Variants in CACNA1G observed in about 807,000 individuals in gnomAD.
CACNA1G encodes the protein calcium voltage-gated channel subunit alpha1 G.
Under a neutral mutation model 219.4 loss-of-function variants are expected in CACNA1G, and 67 were observed. That is an observed-to-expected ratio of 0.31 (90% CI 0.25 to 0.37). CACNA1G has a LOEUF of 0.37. Ranked by LOEUF, CACNA1G falls within the 10% of genes least tolerant of loss-of-function variation. The probability of loss-of-function intolerance (pLI) is 1.00; values close to 1 mark genes in which losing one functional copy is unlikely to be tolerated. For synonymous variants in CACNA1G, 1,296 were observed against 1,345.3 expected, an observed-to-expected ratio of 0.96 and a Z score of 0.80; for missense variants, 2,380 against 3,231.4, an observed-to-expected ratio of 0.74 and a Z score of 6.39.
rs1239674822 is a variant in CACNA1G at position 50,607,131 on chromosome 17, C to T, written c.4512+142C>T. On this transcript the variant is annotated intron_variant, in intron 24 of 37. Transcript: ENST00000359106. ...TACAGCAGAGGCTGTTGCTGGTAGC[C>T]TGTGGGCCAAATCTGGGCATGTTTT... 4.2e-6 allele frequency: 3 copies of T among 720,866 alleles called. No homozygotes were observed. The African/African-American group carries it at 5.2e-5, about 13-fold the overall frequency. 44.7% of individuals were successfully genotyped at this position (720,866 alleles called of 1,614,324 possible). A position where few individuals can be genotyped will look rare whatever the true frequency, so the allele number is the denominator to read the frequency against.
At chr17:50,570,108 CT>C (rs1356357157) in intron 4 of CACNA1G, among the ~76,000 whole-genome samples, 1 of 152,152 alleles carries the variant, frequency 6.6e-6, no homozygotes, top group Non-Finnish European at 1.5e-5. Context: ...GGTGTGGGGA[CT>C]GGAGAGGCTG....
intron 9 of CACNA1G, among the ~76,000 whole-genome samples, chr17:50,580,335 G>A (rs2041675448): frequency 6.6e-6 from 1 of 151,944 alleles, no homozygotes; most frequent in African/African-American, 2.4e-5. Context: ...CATTACTCAG[G>A]CTCCCTGAAC....
Position 50,578,174 on chromosome 17 carries a change from C to T in CACNA1G, c.1925-14C>T. 5 of 1,545,134 alleles carry T rather than the reference C, an allele frequency of 3.2e-6. No individual in the cohort carries two copies. The highest frequency in any genetic ancestry group is 4.4e-6 in the Non-Finnish European group (5 of 1,145,762). ...GAGACTCTGGAGCCTCTCACCTCTA[C>T]TCTCCTGTTCCAGGTGCCTGCCAAA... On this transcript the variant is annotated splice_polypyrimidine_tract_variant and intron_variant, in intron 8 of 37. Coordinates refer to ENST00000359106, the MANE Select transcript of CACNA1G (RefSeq NM_018896.5). This position sits in a 1 kb window ranked among gnomAD's most constrained non-coding sequence, Gnocchi z 4.5.
In CACNA1G at chr17:50,623,253, T is replaced by C. The variant is rs1228724645; in HGVS notation, c.6061-654T>C. On this transcript the variant is annotated intron_variant, in intron 35 of 37. Transcript: ENST00000359106. ...TGGGATTACAGGTGCCACGCCACCA[T>C]ATCCAGCTAATTTTTTTTTTTTTTT... is the stretch of plus-strand genomic sequence containing the variant. Among the ~76,000 whole-genome samples, 7 of 139,946 alleles carry C rather than the reference T, an allele frequency of 5.0e-5. No individual in the cohort carries two copies. The East Asian group carries it at 6.5e-4, about 13-fold the overall frequency. 91.8% of individuals were successfully genotyped at this position (139,946 alleles called of 152,430 possible).
At chr17:50,565,935 C>A (rs1358547058) in intron 1 of CACNA1G, among the ~76,000 whole-genome samples, 2 of 152,098 alleles carry the variant, frequency 1.3e-5, no homozygotes, top group Non-Finnish European at 2.9e-5. Flanking sequence ...CCTCTCCTAC[C>A]CCCTCTTTGG....
chr17:50,623,083 G>A (rs1356918904), intron 35 of CACNA1G, among the ~76,000 whole-genome samples: 3 of 142,620 alleles, frequency 2.1e-5, no homozygotes, highest in African/African-American at 8.0e-5. Flanking sequence ...CGTAGGGGCT[G>A]CTGTTGGCTT....
intron 16 of CACNA1G, 95 bp from the exon 17 acceptor site, chr17:50,599,328 TTGATG>T (rs1394706310): frequency 1.8e-6 from 2 of 1,085,556 alleles, no homozygotes; most frequent in Non-Finnish European, 2.6e-6. Context: ...ATCCCTACAC[TTGATG>T]TGATGCCAGT....
At chr17:50,595,347 C>T (rs2045308305) in intron 14 of CACNA1G, among the ~76,000 whole-genome samples, 2 of 152,352 alleles carry the variant, frequency 1.3e-5, no homozygotes, top group East Asian at 3.9e-4. Context: ...GACTTAGAAT[C>T]CTCTGTGTGC....
chr17:50,588,583 G>A (rs949638348), intron 9 of CACNA1G, among the ~76,000 whole-genome samples: 1 of 152,158 alleles, frequency 6.6e-6, no homozygotes, highest in Non-Finnish European at 1.5e-5. Flanking sequence ...TGCTCACGCC[G>A]GAGACACTAA....
chr17:50,589,912 C>CTCTCTCTCTCTCTCTCTCTCTG (rs1326523232), intron 9 of CACNA1G, among the ~76,000 whole-genome samples: 1 of 141,836 alleles, frequency 7.1e-6, no homozygotes, highest in African/African-American at 2.8e-5. Flanking sequence ...CTCTCTCTCT[C>CTCTCTCTCTCTCTCTCTCTCTG]TGTGTGTGTG....
At chr17:50,580,019 G>A (rs566755156) in intron 9 of CACNA1G, among the ~76,000 whole-genome samples, 1 of 152,224 alleles carries the variant, frequency 6.6e-6, no homozygotes, top group South Asian at 2.1e-4. Context: ...GCTCGACCTG[G>A]CCAGGTGCAC....
At chr17:50,584,559 T>A (rs1311665929) in intron 9 of CACNA1G, among the ~76,000 whole-genome samples, 1 of 126,432 alleles carries the variant, frequency 7.9e-6, no homozygotes, top group African/African-American at 3.0e-5. Context: ...AAGTAATGGA[T>A]GCAGGCATAA....
chr17:50,623,263 ATTT>A (rs35058899), intron 35 of CACNA1G, among the ~76,000 whole-genome samples: 13,331 of 50,236 alleles, frequency 0.27, 1,308 homozygotes, highest in East Asian at 0.7. Flanking sequence ...TATCCAGCTA[ATTT>A]TTTTTTTTTT....
intron 19 of CACNA1G, among the ~76,000 whole-genome samples, chr17:50,602,582 G>C (rs1423082120): frequency 3.9e-5 from 6 of 152,192 alleles, no homozygotes; most frequent in African/African-American, 1.4e-4. Flanking sequence ...GGCTGTGGGG[G>C]CGGGGAGCTC....
At position 50,626,201 on chromosome 17, in the gene CACNA1G, C is replaced by A. The variant is rs1178794869; in HGVS notation, c.6584C>A (p.Ala2195Asp). 3.1e-6 allele frequency: 5 copies of A among 1,613,728 alleles called. No homozygotes were observed. Among genetic ancestry groups the A allele is most frequent in the Admixed American group, 1.7e-5 (1 of 60,004 alleles). Residue 2195 changes from alanine (A) to aspartate (D), a missense_variant, in exon 38 of 38, where the codon GCC becomes GAC. Transcript: ENST00000359106. This position sits in a 1 kb window ranked among gnomAD's most constrained non-coding sequence, Gnocchi z 4.3. ...SKISKHMTPP[A>D]PCPGPEPNWG... is the part of the protein sequence containing the mutation. ...ATCTCCAAGCACATGACCCCGCCAG[C>A]CCCTTGCCCAGGCCCAGAACCCAAC... is the stretch of plus-strand genomic sequence containing the variant.
At chr17:50,607,101 T>C (rs1196804156) in intron 24 of CACNA1G, 112 bp downstream of exon 24, 19 of 835,474 alleles carry the variant, frequency 2.3e-5, no homozygotes, top group African/African-American at 1.5e-4. Flanking sequence ...AGAAGCATCA[T>C]ATTTTACAGC....
In CACNA1G at chr17:50,561,328, GGGGGCTC is replaced by G; in HGVS notation, c.-131_-125del. On this transcript the variant is annotated 5_prime_UTR_variant, in exon 1 of 38. An upstream open reading frame in the 5' UTR loses its in-frame stop. Transcript: ENST00000359106. ...GGAGCTGGGCTGAACTGGCCCTCCC[GGGGGCTC>G]AGCTTGCGCCCTAGAGCCCACCAGA... 1 of 1,163,052 alleles carries G rather than the reference GGGGGCTC, an allele frequency of 8.6e-7. No homozygotes were observed. The highest frequency in any genetic ancestry group is 1.2e-6 in the Non-Finnish European group (1 of 835,722). 72.0% of individuals were successfully genotyped at this position (1,163,052 alleles called of 1,614,324 possible). A position where few individuals can be genotyped will look rare whatever the true frequency, so the allele number is the denominator to read the frequency against.
intron 5 of CACNA1G, 33 bp from the exon 6 acceptor site, chr17:50,572,521 A>C: frequency 6.7e-7 from 1 of 1,491,286 alleles, no homozygotes; most frequent in Non-Finnish European, 9.0e-7. Context: ...CCCACTCCCC[A>C]GTCTCACCCC....
In CACNA1G at chr17:50,605,823, G is replaced by A. The variant is rs112293498; in HGVS notation, c.4297-75G>A. On this transcript the variant is annotated intron_variant, in intron 22 of 37. Coordinates refer to ENST00000359106, the MANE Select transcript of CACNA1G (RefSeq NM_018896.5). ...CTCAAAATGTGCCCAGGCTGGCGTG[G>A]GGGTGGGGCTCAGGAGTCCTGGGCT... 8.8e-3 allele frequency: 13,719 copies of A among 1,553,398 alleles called. 977 individuals are homozygous for A. In the African/African-American group the frequency reaches 0.16, roughly 18 times the overall value.
Sources: gnomAD v4.1 joint callset for allele counts (sites outside exome capture counted in the v4.1 genomes callset) on GRCh38, gnomAD v4.1.1 for gene constraint, Gnocchi (gnomAD v3.1) non-coding constraint, MANE v1.5 for transcripts, NCBI Gene and HGNC (gene_info 2026-07-23, HGNC 2026-07-21) for gene names.